The following LRPPRC variants were observed in gnomAD, a reference collection of about 807,000 sequenced individuals.
The protein encoded by LRPPRC is leucine-rich PPR motif-containing protein, mitochondrial.
A neutral mutation model predicts 180.3 loss-of-function variants in LRPPRC; 120 were observed. That is an observed-to-expected ratio of 0.67 (90% CI 0.57 to 0.77). The LOEUF is 0.77. LRPPRC is among the 30% of genes least tolerant of loss of function. The pLI, the probability that LRPPRC is intolerant of heterozygous loss-of-function variation, is 0.00. For missense variants in LRPPRC, 2,012 were observed against 1,657.2 expected, an observed-to-expected ratio of 1.21 and a Z score of -3.72; for synonymous variants, 723 against 600.0, an observed-to-expected ratio of 1.21 and a Z score of -3.00.
At chr2:43,985,923 C>T (rs1264646400) in intron 1 of LRPPRC, among the ~76,000 whole-genome samples, 2 of 152,154 alleles carry the variant, frequency 1.3e-5, no homozygotes, top group Admixed American at 1.3e-4. Context: ...TTTTGCTTTC[C>T]TACTAGCAAT....
At chr2:43,931,841 G>A (rs1008055861) in intron 25 of LRPPRC, among the ~76,000 whole-genome samples, 3 of 152,018 alleles carry the variant, frequency 2.0e-5, no homozygotes, top group Admixed American at 6.6e-5. Flanking sequence ...CTTTAGCAAA[G>A]GTGATTGATA....
At chr2:43,990,218 CA>C (rs370997620) in intron 1 of LRPPRC, among the ~76,000 whole-genome samples, 8 of 147,624 alleles carry the variant, frequency 5.4e-5, no homozygotes, top group East Asian at 2.0e-4. Flanking sequence ...GACTCCATCT[CA>C]AAAAAAAAAG....
At chr2:43,981,947 G>A (rs1047476501) in intron 2 of LRPPRC, among the ~76,000 whole-genome samples, 4 of 151,702 alleles carry the variant, frequency 2.6e-5, no homozygotes, top group East Asian at 1.9e-4. Flanking sequence ...TCTCTCTGTC[G>A]CCCAGGCTGG....
Position 43,949,606 on chromosome 2 carries a change from C to T in LRPPRC, c.1731G>A (p.Pro577=), listed in dbSNP as rs1391229710. The T allele has an allele frequency of 1.1e-5, 18 of 1,613,372 alleles. No homozygotes were observed. Among genetic ancestry groups the T allele is most frequent in the Admixed American group, 3.3e-5 (2 of 60,012 alleles). The part of the protein sequence containing the change: ...DGRYCQEPRG[P]TEAVGYFLYN... ...TCATCGAAATTGAAACGCTACCCGT[C>T]GGTCCTCGAGGCTCCTGGCAATAAC... Residue 577 remains proline, a synonymous_variant, in exon 16 of 38, where the codon CCG becomes CCA. Coordinates refer to ENST00000260665, the MANE Select transcript of LRPPRC (RefSeq NM_133259.4).
rs749093189 is a variant in LRPPRC at position 43,935,840 on chromosome 2, C to T, written c.2505-962G>A. Among the ~76,000 whole-genome samples, 7 of 152,180 alleles carry T rather than the reference C, an allele frequency of 4.6e-5. No individual in the cohort carries two copies. The South Asian group carries it at 6.2e-4, about 14-fold the overall frequency. ...ATTTAAGACCTTGCAAGACCAGGTGCGGTGGCTCATGCCTGTAATCCCAGC... is the reference window on the plus strand; with the variant it reads ...ATTTAAGACCTTGCAAGACCAGGTGTGGTGGCTCATGCCTGTAATCCCAGC... On this transcript the variant is annotated intron_variant, in intron 23 of 37. Transcript: ENST00000260665.
chr2:43,918,645 T>C (rs545217655), intron 27 of LRPPRC, among the ~76,000 whole-genome samples: 9 of 151,892 alleles, frequency 5.9e-5, no homozygotes, highest in Non-Finnish European at 1.0e-4. Flanking sequence ...TCACACTTTA[T>C]TACACACTTC....
chr2:43,958,968 A>C (rs1347509449), intron 13 of LRPPRC: 1 of 425,800 alleles, frequency 2.3e-6, no homozygotes, highest in African/African-American at 2.0e-5. Context: ...ATACTATTCA[A>C]AATAGTATTC....
intron 13 of LRPPRC, 68 bp downstream of exon 13, chr2:43,960,473 C>T (rs1455283879): frequency 3.4e-6 from 3 of 874,302 alleles, no homozygotes; most frequent in Non-Finnish European, 3.9e-6. Context: ...GCGTGAACCA[C>T]CCTGCATGCC....
chr2:43,950,172 G>T (rs1227310897), intron 15 of LRPPRC, among the ~76,000 whole-genome samples: 1 of 151,748 alleles, frequency 6.6e-6, no homozygotes, highest in Non-Finnish European at 1.5e-5. Flanking sequence ...AACAAAAGGG[G>T]TCTAAAGATT....
At chr2:43,944,715 G>A (rs887046187) in intron 22 of LRPPRC, among the ~76,000 whole-genome samples, 2 of 151,894 alleles carry the variant, frequency 1.3e-5, no homozygotes, top group South Asian at 2.1e-4. Flanking sequence ...AGAAAGTTAA[G>A]AAACAAGAAA....
rs745548777 is a variant in LRPPRC, at chr2:43,945,396, A to G, written c.2232T>C (p.Ala744=). The G allele has an allele frequency of 6.2e-7, 1 of 1,611,532 alleles. No individual in the cohort carries two copies. Among genetic ancestry groups the G allele is most frequent in the Admixed American group, 1.7e-5 (1 of 59,990 alleles). The change falls in exon 22 of 38, where the codon GCT becomes GCC. Residue 744 remains alanine (A), a synonymous_variant. Transcript: ENST00000260665. The part of the protein sequence containing the change: ...KEEFDRLDSS[A]VLDTGKYVGL... Reference sequence around the variant, plus strand: ...CTACATACTTGCCGGTGTCAAGGACAGCAGATGAATCTAAGCGGTCACTAA... The same window carrying G: ...CTACATACTTGCCGGTGTCAAGGACGGCAGATGAATCTAAGCGGTCACTAA...
chr2:43,908,634 G>T (rs1315465865), intron 30 of LRPPRC, among the ~76,000 whole-genome samples: 1 of 106,836 alleles, frequency 9.4e-6, no homozygotes, highest in East Asian at 1.9e-3. Context: ...CCGTTCTCCT[G>T]CCTTGGCCTC....
intron 11 of LRPPRC, among the ~76,000 whole-genome samples, chr2:43,971,499 A>AAAAAAAAAAAAAG (rs1559036091): frequency 3.4e-5 from 5 of 147,704 alleles, no homozygotes; most frequent in African/African-American, 1.2e-4. Flanking sequence ...AAAAAAAAAA[A>AAAAAAAAAAAAAG]AAAAAGAAAA....
intron 12 of LRPPRC, among the ~76,000 whole-genome samples, chr2:43,963,253 C>G (rs6706737): frequency 1.3e-4 from 20 of 151,884 alleles, no homozygotes; most frequent in African/African-American, 4.8e-4. Context: ...GAGTCCAGCC[C>G]GACCAACATG....
rs968311251 is a variant in LRPPRC, at chr2:43,901,729, C to A, written c.3365-205G>T. ...TTGACTATATAAGATATTAGAGGCCCGAGGAATTTCTTCTTTAAGTCACAG... is the reference window on the plus strand; with the variant it reads ...TTGACTATATAAGATATTAGAGGCCAGAGGAATTTCTTCTTTAAGTCACAG... On this transcript the variant is annotated intron_variant, in intron 31 of 37. Transcript: ENST00000260665. 1.1e-5 allele frequency: 6 copies of A among 539,976 alleles called. No homozygotes were observed. The South Asian group carries it at 1.2e-4, about 11-fold the overall frequency. 33.4% of individuals were successfully genotyped at this position (539,976 alleles called of 1,614,324 possible).
rs922541322 is a variant in LRPPRC, at chr2:43,901,304, G to T, written c.3569+16C>A. 2 of 1,605,124 alleles carry T rather than the reference G, an allele frequency of 1.2e-6. No homozygotes were observed. Among genetic ancestry groups the T allele is most frequent in the East Asian group, 2.2e-5 (1 of 44,848 alleles). On this transcript the variant is annotated intron_variant, in intron 32 of 37. Transcript: ENST00000260665. ...CTAGTGACCAATGAAGGAAAAGAAGGCTTGCAAATACTCACTTCTTTATTT... is the reference window on the plus strand; with the variant it reads ...CTAGTGACCAATGAAGGAAAAGAAGTCTTGCAAATACTCACTTCTTTATTT...
chr2:43,990,577 T>C (rs936628333), intron 1 of LRPPRC, among the ~76,000 whole-genome samples: 1 of 152,144 alleles, frequency 6.6e-6, no homozygotes, highest in Non-Finnish European at 1.5e-5. Context: ...ATAAACGGCC[T>C]CCAAGTCTCT....
Position 43,989,670 on chromosome 2 carries a change from G to T in LRPPRC, c.149+6129C>A, listed in dbSNP as rs1251396963. ...GTCTGGACCTCATTCTGCACCCAAT[G>T]ATAACTACCATGGCAGTTAACTGTA... On this transcript the variant is annotated intron_variant, in intron 1 of 37. Transcript: ENST00000260665. Among the ~76,000 whole-genome samples, 4 of 152,306 alleles carry T rather than the reference G, an allele frequency of 2.6e-5. No homozygotes were observed. In the East Asian group the frequency reaches 7.7e-4, roughly 29 times the overall value.
intron 2 of LRPPRC, 83 bp downstream of exon 2, chr2:43,982,155 G>C: frequency 1.1e-6 from 1 of 911,004 alleles, no homozygotes; most frequent in Non-Finnish European, 1.7e-6. Context: ...CGATCTACCT[G>C]CCTCCCAAAG....
Sources: allele counts gnomAD v4.1 joint callset (sites outside exome capture counted in the v4.1 genomes callset), GRCh38; gene constraint gnomAD v4.1.1; transcripts MANE v1.5; gene names NCBI Gene and HGNC (gene_info 2026-07-23, HGNC 2026-07-21).